Variants in KCTD8 observed in about 807,000 individuals in gnomAD.
KCTD8 encodes the protein potassium channel tetramerization domain containing 8, also known as BTB/POZ domain-containing protein KCTD8.
Under a neutral mutation model 31.5 loss-of-function variants are expected in KCTD8, and 27 were observed. That is an observed-to-expected ratio of 0.86 (90% CI 0.63 to 1.18). KCTD8 has a LOEUF of 1.18. Among genes scored for constraint, KCTD8 ranks in the 50% most tolerant of loss-of-function variants. KCTD8 has a pLI of 0.00. For missense variants in KCTD8, 658 were observed against 647.7 expected, an observed-to-expected ratio of 1.02 and a Z score of -0.17; for synonymous variants, 290 against 280.0, an observed-to-expected ratio of 1.04 and a Z score of -0.36.
Position 44,286,563 on chromosome 4 carries a change from G to T in KCTD8, c.962-111313C>A, listed in dbSNP as rs144611027. ...CAATAGTCTCCTAACAGATAAGAAA[G>T]CCCAATGTAGCTGGGCATGTGGATG... On this transcript the variant is annotated intron_variant, in intron 1 of 1. Coordinates refer to ENST00000360029, the MANE Select transcript of KCTD8 (RefSeq NM_198353.3). Among the ~76,000 whole-genome samples the T allele has an allele frequency of 9.9e-5, 15 of 152,114 alleles. No individual in the cohort carries two copies. In the East Asian group the frequency reaches 2.9e-3, roughly 29 times the overall value.
At chr4:44,336,442 T>G (rs1361257783) in intron 1 of KCTD8, among the ~76,000 whole-genome samples, 2 of 151,842 alleles carry the variant, frequency 1.3e-5, no homozygotes, top group African/African-American at 2.4e-5. Context: ...TAAATAATAT[T>G]TAGGGTAAGG....
At chr4:44,175,371 G>T in intron 1 of KCTD8, 121 bp from the exon 2 acceptor site, 1 of 623,766 alleles carries the variant, frequency 1.6e-6, no homozygotes, top group Non-Finnish European at 2.6e-6. Flanking sequence ...AACAAAAATG[G>T]TGCATATTGT....
chr4:44,286,443 A>G (rs900839535), intron 1 of KCTD8, among the ~76,000 whole-genome samples: 4 of 152,122 alleles, frequency 2.6e-5, no homozygotes, highest in Non-Finnish European at 4.4e-5. Context: ...TTTGCCAGGA[A>G]TTGCTGTTGC....
chr4:44,274,917 T>C (rs1716710321), intron 1 of KCTD8, among the ~76,000 whole-genome samples: 1 of 151,974 alleles, frequency 6.6e-6, no homozygotes, highest in East Asian at 1.9e-4. Flanking sequence ...AATCTATTAA[T>C]GCTGCTTTAT....
At chr4:44,226,740 G>T (rs1000771060) in intron 1 of KCTD8, among the ~76,000 whole-genome samples, 1 of 152,086 alleles carries the variant, frequency 6.6e-6, no homozygotes, top group Non-Finnish European at 1.5e-5. Flanking sequence ...TTTCTAACTG[G>T]CATGAGATGG....
chr4:44,197,954 T>C (rs1372694963), intron 1 of KCTD8, among the ~76,000 whole-genome samples: 1 of 151,984 alleles, frequency 6.6e-6, no homozygotes, highest in Non-Finnish European at 1.5e-5. Flanking sequence ...TTTGAAGAAA[T>C]AATTAAACTG....
chr4:44,275,621 C>T (rs1716730056), intron 1 of KCTD8, among the ~76,000 whole-genome samples: 2 of 152,062 alleles, frequency 1.3e-5, no homozygotes, highest in African/African-American at 4.8e-5. Context: ...TAAGAATCTA[C>T]TAAACTACAA....
At chr4:44,312,974 C>G (rs1239130283) in intron 1 of KCTD8, among the ~76,000 whole-genome samples, 1 of 152,128 alleles carries the variant, frequency 6.6e-6, no homozygotes. Context: ...TATCCTGATT[C>G]AGACTATCTT....
intron 1 of KCTD8, among the ~76,000 whole-genome samples, chr4:44,220,973 T>C (rs998334881): frequency 2.6e-5 from 4 of 152,216 alleles, no homozygotes; most frequent in Admixed American, 1.3e-4. Flanking sequence ...CTTTACTATA[T>C]ATCTGAATAA....
At chr4:44,401,604 G>C (rs983941812) in intron 1 of KCTD8, among the ~76,000 whole-genome samples, 9 of 152,112 alleles carry the variant, frequency 5.9e-5, no homozygotes, top group African/African-American at 2.2e-4. Context: ...AGTCACCTTT[G>C]CACAAGTCAC....
At chr4:44,431,783 T>C (rs1460194124) in intron 1 of KCTD8, among the ~76,000 whole-genome samples, 1 of 151,582 alleles carries the variant, frequency 6.6e-6, no homozygotes, top group Non-Finnish European at 1.5e-5. Flanking sequence ...TTCAGACTGA[T>C]GTTTCCTCCA....
intron 1 of KCTD8, among the ~76,000 whole-genome samples, chr4:44,227,917 C>G (rs565245015): frequency 1.3e-5 from 2 of 152,288 alleles, no homozygotes; most frequent in Middle Eastern, 3.4e-3. Flanking sequence ...TCCTGTCATT[C>G]TTGTCTATCT....
intron 1 of KCTD8, among the ~76,000 whole-genome samples, chr4:44,400,772 CTCAA>C (rs1452724773): frequency 1.8e-4 from 27 of 149,408 alleles, no homozygotes; most frequent in Middle Eastern, 3.6e-3. Flanking sequence ...ATTCTGCAAA[CTCAA>C]TCAATCTCTT....
chr4:44,407,036 GC>G (rs1720814649), intron 1 of KCTD8, among the ~76,000 whole-genome samples: 1 of 152,096 alleles, frequency 6.6e-6, no homozygotes, highest in African/African-American at 2.4e-5. Flanking sequence ...ATCCTAGTAG[GC>G]ATGTCCAATT....
At chr4:44,202,643 G>A (rs1714184432) in intron 1 of KCTD8, among the ~76,000 whole-genome samples, 1 of 152,030 alleles carries the variant, frequency 6.6e-6, no homozygotes, top group South Asian at 2.1e-4. Context: ...GAAGGAGGGA[G>A]GGGCAAGAGC....
rs1388696298 is a variant in KCTD8, at chr4:44,237,954, C to T, written c.962-62704G>A. 3.3e-5 allele frequency among the ~76,000 whole-genome samples: 5 copies of T among 152,212 alleles called. No homozygotes were observed. In the East Asian group the frequency reaches 5.8e-4, roughly 18 times the overall value. On this transcript the variant is annotated intron_variant, in intron 1 of 1. Coordinates refer to ENST00000360029, the MANE Select transcript of KCTD8 (RefSeq NM_198353.3). ...AATCTGCTCCTGTCATTAATTCCCCCCAAAACAACCTATTAAAAATAAGAA... is the reference window on the plus strand; with the variant it reads ...AATCTGCTCCTGTCATTAATTCCCCTCAAAACAACCTATTAAAAATAAGAA...
intron 1 of KCTD8, among the ~76,000 whole-genome samples, chr4:44,356,216 A>C (rs1453598377): frequency 6.6e-6 from 1 of 152,166 alleles, no homozygotes; most frequent in African/African-American, 2.4e-5. Context: ...TTCTCATTCA[A>C]CTATAATATT....
chr4:44,280,481 T>C (rs900450325), intron 1 of KCTD8, among the ~76,000 whole-genome samples: 4 of 152,102 alleles, frequency 2.6e-5, no homozygotes, highest in Non-Finnish European at 4.4e-5. Flanking sequence ...ACTTCAGGGA[T>C]GGCAATTATT....
chr4:44,284,643 C>T (rs1225888911), intron 1 of KCTD8, among the ~76,000 whole-genome samples: 1 of 152,134 alleles, frequency 6.6e-6, no homozygotes, highest in African/African-American at 2.4e-5. Flanking sequence ...AACTAAAGAG[C>T]TTCTGCACAG....
Sources: gnomAD v4.1 joint callset for allele counts (sites outside exome capture counted in the v4.1 genomes callset) on GRCh38, gnomAD v4.1.1 for gene constraint, MANE v1.5 for transcripts, NCBI Gene and HGNC (gene_info 2026-07-23, HGNC 2026-07-21) for gene names.